ACOX3: variants seen among roughly 807,000 people sequenced by gnomAD.
ACOX3 encodes peroxisomal acyl-coenzyme A oxidase 3.
ACOX3 carries 73 observed loss-of-function variants against 81.5 expected under a neutral mutation model. That is an observed-to-expected ratio of 0.90 (90% CI 0.74 to 1.09). ACOX3 has a LOEUF of 1.09. Ranked by LOEUF, ACOX3 falls within the 50% of genes least tolerant of loss-of-function variation. The pLI, the probability that ACOX3 is intolerant of heterozygous loss-of-function variation, is 0.00. For synonymous variants in ACOX3, 387 were observed against 375.1 expected (o/e 1.03, Z -0.37); for missense variants, 947 against 928.0 (o/e 1.02, Z -0.27).
rs1246749269 is a variant in ACOX3, at chr4:8,430,187, C to T, written c.-15+10461G>A. 1.3e-5 allele frequency among the ~76,000 whole-genome samples: 2 copies of T among 152,216 alleles called. No homozygotes were observed. Among genetic ancestry groups the T allele is most frequent in the African/African-American group, 4.8e-5 (2 of 41,452 alleles). On this transcript the variant is annotated intron_variant, in intron 1 of 17. Coordinates refer to ENST00000356406, the MANE Select transcript of ACOX3 (RefSeq NM_003501.3). The surrounding 1 kb of genome is among the most constrained non-coding windows in gnomAD (Gnocchi z 5.2). ...CAGTTATTACTGTTATTTAAACAGACATATAATTATGGGTATCAGTGGGAG... is the reference window on the plus strand; with the variant it reads ...CAGTTATTACTGTTATTTAAACAGATATATAATTATGGGTATCAGTGGGAG...
chr4:8,388,466 C>T (rs1002793976), intron 13 of ACOX3, among the ~76,000 whole-genome samples: 3 of 152,254 alleles, frequency 2.0e-5, no homozygotes, highest in African/African-American at 7.2e-5. Context: ...CAGGATCCAG[C>T]GCAGTCTACA....
rs1723889675 is a variant in ACOX3 at position 8,430,399 on chromosome 4, G to T, written c.-15+10249C>A. ...ATTGCCTGAAGACAAAGCAATCATG[G>T]TCTAATAAAAAATACACACCACTGT... is the stretch of plus-strand genomic sequence containing the variant. On this transcript the variant is annotated intron_variant, in intron 1 of 17. Transcript: ENST00000356406. The surrounding 1 kb of genome is among the most constrained non-coding windows in gnomAD (Gnocchi z 5.2). Among the ~76,000 whole-genome samples the T allele has an allele frequency of 6.6e-6, 1 of 152,168 alleles. No homozygotes were observed. The highest frequency in any genetic ancestry group is 6.5e-5 in the Admixed American group (1 of 15,288).
chr4:8,356,297 C>A, the ACOX3 span: 2 of 354,678 alleles, frequency 5.6e-6, no homozygotes, highest in Admixed American at 3.8e-5. Context: ...ACTTGTGGCT[C>A]TACCTGCCCC....
intron 1 of ACOX3, among the ~76,000 whole-genome samples, chr4:8,440,180 G>A (rs1451511015): frequency 1.3e-5 from 2 of 152,032 alleles, no homozygotes; most frequent in Non-Finnish European, 2.9e-5. Flanking sequence ...GACCCTTAAA[G>A]TCGTAAGCCT....
chr4:8,404,069 C>G (rs1168020176), intron 7 of ACOX3, among the ~76,000 whole-genome samples: 2 of 152,232 alleles, frequency 1.3e-5, no homozygotes, highest in Admixed American at 1.3e-4. Context: ...TTCCTACACC[C>G]CATTTCCTGC....
chr4:8,423,626 A>G lies in ACOX3; in HGVS notation c.-14-7091T>C, dbSNP rs1314150660. On this transcript the variant is annotated intron_variant, in intron 1 of 17. Transcript: ENST00000356406. This position sits in a 1 kb window ranked among gnomAD's most constrained non-coding sequence, Gnocchi z 4.2. The stretch of plus-strand genomic sequence containing the variant: ...TTAGTGCAAGATCTCAGGATTATCA[A>G]TGAGGCTGTTGTTCCTCTATACCCA... Among the ~76,000 whole-genome samples the G allele has an allele frequency of 6.6e-6, 1 of 152,298 alleles. No individual in the cohort carries two copies.
At chr4:8,420,051 C>G (rs900145516) in intron 1 of ACOX3, among the ~76,000 whole-genome samples, 1 of 152,198 alleles carries the variant, frequency 6.6e-6, no homozygotes, top group Non-Finnish European at 1.5e-5. Flanking sequence ...CTACATAGAC[C>G]TCAACTGTGC....
At chr4:8,377,159 A>G (rs1295802460) in intron 14 of ACOX3, among the ~76,000 whole-genome samples, 3 of 152,140 alleles carry the variant, frequency 2.0e-5, no homozygotes, top group Non-Finnish European at 4.4e-5. Context: ...TCCTCTCGCC[A>G]TGGGTCCTCT....
chr4:8,375,680 T>TAAGGCCCCCGCAGGCTCTGCCGC (rs1716881908), intron 14 of ACOX3, among the ~76,000 whole-genome samples: 1 of 152,214 alleles, frequency 6.6e-6, no homozygotes, highest in Non-Finnish European at 1.5e-5. Flanking sequence ...CCCCCTGCCG[T>TAAGGCCCCCGCAGGCTCTGCCGC]AAGGCCCCCG....
rs904496844 is a variant in ACOX3 at position 8,407,021 on chromosome 4, C to T, written c.688-978G>A. Among the ~76,000 whole-genome samples, 3 of 152,184 alleles carry T rather than the reference C, an allele frequency of 2.0e-5. No individual in the cohort carries two copies. The highest frequency in any genetic ancestry group is 4.4e-5 in the Non-Finnish European group (3 of 68,032). On this transcript the variant is annotated intron_variant, in intron 6 of 17. Transcript: ENST00000356406. This position sits in a 1 kb window ranked among gnomAD's most constrained non-coding sequence, Gnocchi z 4.6. ...AAGTAGCAGGTGTTTTTCCTTGACA[C>T]TTATGCTACCGCTAGACCACGGTCT...
chr4:8,357,005 G>A, the ACOX3 span: 2 of 456,376 alleles, frequency 4.4e-6, no homozygotes, highest in Admixed American at 2.4e-5. Flanking sequence ...GGAAGGAAGT[G>A]TGCAGAATGG....
intron 13 of ACOX3, among the ~76,000 whole-genome samples, chr4:8,388,219 A>G (rs2108850237): frequency 6.6e-6 from 1 of 152,322 alleles, no homozygotes; most frequent in Middle Eastern, 3.4e-3. Context: ...GTCACCAGCC[A>G]CGCTCCACCT....
rs1055528265 is a variant in ACOX3 at position 8,383,007 on chromosome 4, GA to G, written c.1538-1401del. On this transcript the variant is annotated intron_variant, in intron 13 of 17. Transcript: ENST00000356406. Reference sequence around the variant, plus strand: ...CTCCGTCTCAAAAAAAAAAAAAAAAGAAAAGAAAATACCCAACGTTGCAGTT... The same window carrying G: ...CTCCGTCTCAAAAAAAAAAAAAAAAGAAAGAAAATACCCAACGTTGCAGTT... 5.6e-3 allele frequency among the ~76,000 whole-genome samples: 796 copies of G among 141,060 alleles called. 5 individuals are homozygous for G. The highest frequency in any genetic ancestry group is 0.02 in the African/African-American group (759 of 37,946). The allele number at this position is 141,060 out of a possible 152,430, so 92.5% of individuals were successfully genotyped here. A position where few individuals can be genotyped will look rare whatever the true frequency, so the allele number is the denominator to read the frequency against.
intron 1 of ACOX3, among the ~76,000 whole-genome samples, chr4:8,429,695 A>G (rs1723837111): frequency 6.6e-6 from 1 of 152,202 alleles, no homozygotes. Flanking sequence ...AGGAAAAGGG[A>G]GAGTCTAAAA....
chr4:8,397,258 G>A (rs886133915), intron 8 of ACOX3, 139 bp from the exon 9 acceptor site: 15 of 788,714 alleles, frequency 1.9e-5, no homozygotes, highest in Admixed American at 3.8e-5. Flanking sequence ...TCCCCAGGGC[G>A]CCCAAGACAC....
intron 7 of ACOX3, among the ~76,000 whole-genome samples, chr4:8,402,266 G>C (rs940492328): frequency 6.6e-6 from 1 of 152,208 alleles, no homozygotes; most frequent in Non-Finnish European, 1.5e-5. Flanking sequence ...GCTCTCGGCT[G>C]CTTTGCCAGG....
At position 8,416,510 on chromosome 4, in the gene ACOX3, A is replaced by G. The variant is rs750260790; in HGVS notation, c.12T>C (p.Thr4=). The stretch of plus-strand genomic sequence containing the variant: ...GCAGAGCTGTGTCGCCTCCTTCCAC[A>G]GTGGATGCCATCGCGTGATAAGAGC... MAS[T]VEGGDTALLP... Residue 4 remains threonine, a synonymous_variant, in exon 2 of 18, where the codon ACT becomes ACC. Transcript: ENST00000356406. The surrounding 1 kb of genome is among the most constrained non-coding windows in gnomAD (Gnocchi z 4.2). The G allele has an allele frequency of 1.9e-6, 3 of 1,607,552 alleles. No homozygotes were observed. The highest frequency in any genetic ancestry group is 4.5e-5 in the East Asian group (2 of 44,758).
rs1718372170 is a variant in ACOX3, at chr4:8,386,886, G to A, written c.1537+2287C>T. On this transcript the variant is annotated intron_variant, in intron 13 of 17. Transcript: ENST00000356406. The surrounding 1 kb of genome is among the most constrained non-coding windows in gnomAD (Gnocchi z 5.2). Reference sequence around the variant, plus strand: ...GCCTGTAGGGCTGGAGACGGACAAGGACACACGCTCGGGGGCTGCTATCAC... The same window carrying A: ...GCCTGTAGGGCTGGAGACGGACAAGAACACACGCTCGGGGGCTGCTATCAC... Among the ~76,000 whole-genome samples the A allele has an allele frequency of 6.6e-6, 1 of 152,218 alleles. No individual in the cohort carries two copies. Among genetic ancestry groups the A allele is most frequent in the Non-Finnish European group, 1.5e-5 (1 of 68,032 alleles).
chr4:8,403,441 T>C (rs543668807), intron 7 of ACOX3, among the ~76,000 whole-genome samples: 5 of 152,282 alleles, frequency 3.3e-5, no homozygotes, highest in African/African-American at 1.2e-4. Flanking sequence ...TCACCCCGGC[T>C]GGCTCCCATC....
Sources: gnomAD v4.1 joint callset for allele counts (sites outside exome capture counted in the v4.1 genomes callset) on GRCh38, gnomAD v4.1.1 for gene constraint, Gnocchi (gnomAD v3.1) non-coding constraint, MANE v1.5 for transcripts, NCBI Gene and HGNC (gene_info 2026-07-23, HGNC 2026-07-21) for gene names.